ATP8B1: variants seen among roughly 807,000 people sequenced by gnomAD.
ATP8B1 encodes ATPase phospholipid transporting 8B1, also known as phospholipid-transporting ATPase IC.
ATP8B1 carries 80 observed loss-of-function variants against 149.9 expected under a neutral mutation model. The observed-to-expected ratio is 0.53, with a 90% confidence interval of 0.45 to 0.64. The LOEUF is 0.64. Among genes scored for constraint, ATP8B1 ranks in the 30% least tolerant of loss-of-function variants. ATP8B1 has a pLI of 0.00. For synonymous variants in ATP8B1, 536 were observed against 562.8 expected, an observed-to-expected ratio of 0.95 and a Z score of 0.67; for missense variants, 1,247 against 1,552.6, an observed-to-expected ratio of 0.80 and a Z score of 3.31.
intron 14 of ATP8B1, 149 bp downstream of exon 14, chr18:57,684,923 G>T: frequency 1.0e-6 from 1 of 977,400 alleles, no homozygotes; most frequent in Non-Finnish European, 1.6e-6. Context: ...AAGTCTCCAA[G>T]CCAAGGAACA....
At chr18:57,760,340 T>C (rs1434605285) in intron 1 of ATP8B1, among the ~76,000 whole-genome samples, 1 of 152,218 alleles carries the variant, frequency 6.6e-6, no homozygotes, top group Non-Finnish European at 1.5e-5. Flanking sequence ...TAGCTTCTGC[T>C]TCTACATGTC....
rs1439724080 is a variant in ATP8B1 at position 57,661,170 on chromosome 18, T to C, written c.2707+4A>G. 6.2e-7 allele frequency: 1 copy of C among 1,613,388 alleles called. No individual in the cohort carries two copies. Among genetic ancestry groups the C allele is most frequent in the Admixed American group, 1.7e-5 (1 of 60,016 alleles). ...GCCTCACTGGCCGTGGGTGCATGAC[T>C]CACTTTTGATCATGTTCACGTCATT... is the stretch of plus-strand genomic sequence containing the variant. On this transcript the variant is annotated splice_donor_region_variant and intron_variant, in intron 22 of 27. Transcript: ENST00000648908.
intron 15 of ATP8B1, among the ~76,000 whole-genome samples, chr18:57,679,236 A>G (rs1004806670): frequency 2.0e-5 from 3 of 151,998 alleles, no homozygotes; most frequent in African/African-American, 7.3e-5. Flanking sequence ...TCTCAAAAAA[A>G]AAAAAGAATA....
chr18:57,746,418 G>A (rs1385621232), intron 1 of ATP8B1, among the ~76,000 whole-genome samples: 1 of 151,966 alleles, frequency 6.6e-6, no homozygotes, highest in East Asian at 1.9e-4. Context: ...CTGTTCAAAG[G>A]GGGAGAAAAG....
At chr18:57,680,616 A>C (rs1407564406) in intron 15 of ATP8B1, among the ~76,000 whole-genome samples, 2 of 144,198 alleles carry the variant, frequency 1.4e-5, no homozygotes, top group Non-Finnish European at 3.0e-5. Flanking sequence ...AAAACAAAAC[A>C]AAAAAAAAAC....
intron 1 of ATP8B1, among the ~76,000 whole-genome samples, chr18:57,774,528 G>A (rs1272092464): frequency 2.0e-5 from 3 of 152,182 alleles, no homozygotes; most frequent in South Asian, 2.1e-4. Flanking sequence ...ACCTGGAGGC[G>A]GAGGTTGCAG....
chr18:57,677,223 A>C (rs1156611382), intron 15 of ATP8B1, among the ~76,000 whole-genome samples: 19 of 152,184 alleles, frequency 1.2e-4, no homozygotes, highest in Admixed American at 1.2e-3. Context: ...TCTTTTTTAA[A>C]AATCTGGGTG....
chr18:57,774,915 A>G (rs1004470053), intron 1 of ATP8B1, among the ~76,000 whole-genome samples: 3 of 152,246 alleles, frequency 2.0e-5, no homozygotes, highest in Non-Finnish European at 4.4e-5. Flanking sequence ...TTCTCCACAC[A>G]AGAATGCCAA....
chr18:57,779,483 C>A (rs1477192941), intron 1 of ATP8B1, among the ~76,000 whole-genome samples: 1 of 152,164 alleles, frequency 6.6e-6, no homozygotes, highest in Admixed American at 6.5e-5. Context: ...GTAAAATTAA[C>A]CTTTGAAATC....
In ATP8B1 at chr18:57,784,335, C is replaced by T. The variant is rs531687587; in HGVS notation, c.-26+18663G>A. 4.6e-4 allele frequency among the ~76,000 whole-genome samples: 70 copies of T among 152,202 alleles called. No individual in the cohort carries two copies. Among genetic ancestry groups the T allele is most frequent in the African/African-American group, 1.6e-3 (66 of 41,532 alleles). On this transcript the variant is annotated intron_variant, in intron 1 of 27. Transcript: ENST00000648908. This position sits in a 1 kb window ranked among gnomAD's most constrained non-coding sequence, Gnocchi z 4.4. ...GGTTGGCAGGATCTGAGTGGGTGCT[C>T]TGGTTTGGAAGGGGCAGGGTAGAAG...
chr18:57,737,620 G>A (rs193211510), intron 1 of ATP8B1: 299 of 150,642 alleles, frequency 2.0e-3, no homozygotes, highest in African/African-American at 7.1e-3. Flanking sequence ...TCCTCAGGCT[G>A]GTCTCAAACT....
intron 24 of ATP8B1, 25 bp downstream of exon 24, chr18:57,653,967 G>A: frequency 1.3e-6 from 2 of 1,587,640 alleles, no homozygotes; most frequent in Non-Finnish European, 1.7e-6. Flanking sequence ...GTCCAGAAGT[G>A]TCCCTGCTTG....
intron 1 of ATP8B1, among the ~76,000 whole-genome samples, chr18:57,789,323 G>A (rs1444450917): frequency 1.3e-5 from 2 of 152,044 alleles, no homozygotes. Context: ...AAGAACCCTC[G>A]CCTTGTGAGT....
At chr18:57,761,158 C>A (rs2080154348) in intron 1 of ATP8B1, among the ~76,000 whole-genome samples, 1 of 135,212 alleles carries the variant, frequency 7.4e-6, no homozygotes, top group African/African-American at 2.7e-5. Context: ...ATAAAGAAGC[C>A]CTGAACTCAT....
chr18:57,771,579 T>G (rs994645444), intron 1 of ATP8B1, among the ~76,000 whole-genome samples: 25 of 152,168 alleles, frequency 1.6e-4, no homozygotes, highest in African/African-American at 5.3e-4. Context: ...AGGCAGAGTT[T>G]TCTGTTAAAT....
Position 57,701,047 on chromosome 18 carries a change from C to T in ATP8B1, c.546G>A (p.Lys182=). The change falls in exon 6 of 28, where the codon AAG becomes AAA. Residue 182 remains lysine, a synonymous_variant. Coordinates refer to ENST00000648908, the MANE Select transcript of ATP8B1 (RefSeq NM_001374385.1). ...EINNRTCEVI[K]DGRFKVAKWK... ...CTAATTAGACACAGTACCTGCCATCCTTAATGACTTCACACGTCCTATTGT... is the reference window on the plus strand; with the variant it reads ...CTAATTAGACACAGTACCTGCCATCTTTAATGACTTCACACGTCCTATTGT... 6.2e-7 allele frequency: 1 copy of T among 1,614,014 alleles called. No homozygotes were observed. Among genetic ancestry groups the T allele is most frequent in the Non-Finnish European group, 8.5e-7 (1 of 1,179,866 alleles).
At chr18:57,779,717 G>A (rs1312637035) in intron 1 of ATP8B1, among the ~76,000 whole-genome samples, 2 of 152,092 alleles carry the variant, frequency 1.3e-5, no homozygotes, top group African/African-American at 4.8e-5. Context: ...AACCAACATG[G>A]TGAAACCCCG....
At chr18:57,794,995 C>T (rs1020791650) in intron 1 of ATP8B1, among the ~76,000 whole-genome samples, 5 of 152,062 alleles carry the variant, frequency 3.3e-5, no homozygotes, top group African/African-American at 1.2e-4. Flanking sequence ...TGGCCCTGCC[C>T]ATCTTATTTA....
chr18:57,691,552 C>G (rs996979024), intron 12 of ATP8B1, among the ~76,000 whole-genome samples: 6 of 152,162 alleles, frequency 3.9e-5, no homozygotes, highest in African/African-American at 1.4e-4. Context: ...ACAATGACTA[C>G]AGGAGTAGCA....
Sources: allele counts gnomAD v4.1 joint callset (sites outside exome capture counted in the v4.1 genomes callset), GRCh38; gene constraint gnomAD v4.1.1; non-coding constraint Gnocchi (gnomAD v3.1); transcripts MANE v1.5; gene names NCBI Gene and HGNC (gene_info 2026-07-23, HGNC 2026-07-21).